The following CDH16 variants were observed in gnomAD, a reference collection of about 807,000 sequenced individuals.
The protein encoded by CDH16 is cadherin 16.
A neutral mutation model predicts 87.6 loss-of-function variants in CDH16; 79 were observed. The ratio of observed to expected loss-of-function variants is 0.90; its 90% CI spans 0.75 to 1.09. The LOEUF is 1.09. Ranked by LOEUF, CDH16 falls within the 50% of genes least tolerant of loss-of-function variation. The pLI, the probability that CDH16 is intolerant of heterozygous loss-of-function variation, is 0.00. For synonymous variants in CDH16, 457 were observed against 439.5 expected, an observed-to-expected ratio of 1.04 and a Z score of -0.50; for missense variants, 1,124 against 1,071.7, an observed-to-expected ratio of 1.05 and a Z score of -0.68.
intron 13 of CDH16, among the ~76,000 whole-genome samples, 193 bp from the exon 14 acceptor site, chr16:66,911,508 G>A (rs963386920): frequency 6.6e-6 from 1 of 152,154 alleles, no homozygotes. Flanking sequence ...GGTGTGGGAT[G>A]AAGAACAGAT....
chr16:66,911,203 G>A lies in CDH16; in HGVS notation c.1903C>T (p.Leu635Phe), dbSNP rs1352500035. ...ATACCTGTATCCTGGGCCTCCACAA[G>A]CACCGTGTAGGTGTCCCCAGGCTGG... ...GAQPGDTYTV[L>F]VEAQDTDEPR... Residue 635 changes from leucine to phenylalanine, a missense_variant, in exon 14 of 18, where the codon CTT becomes TTT. Leu to Phe is a conservative substitution (Grantham distance 22). Transcript: ENST00000299752. The A allele has an allele frequency of 1.2e-6, 2 of 1,612,888 alleles. No individual in the cohort carries two copies. Among genetic ancestry groups the A allele is most frequent in the Admixed American group, 1.7e-5 (1 of 59,894 alleles).
intron 7 of CDH16, 80 bp from the exon 8 acceptor site, chr16:66,913,693 C>A: frequency 1.3e-6 from 2 of 1,560,056 alleles, no homozygotes; most frequent in Non-Finnish European, 1.7e-6. Flanking sequence ...CGTTGAGGAG[C>A]CTGAGCCCAA....
Position 66,916,328 on chromosome 16 carries a change from G to C in CDH16, c.231C>G (p.Phe77Leu), listed in dbSNP as rs1368195881. ...GPFAMDPDSGFLLVTRALDRE... is the reference protein window; with the variant it reads ...GPFAMDPDSGLLLVTRALDRE... The stretch of plus-strand genomic sequence containing the variant: ...GGTCCAGGGCCCTGGTCACCAGCAG[G>C]AAGCCAGAATCTGGATCCATAGCAA... The change falls in exon 4 of 18, where the codon TTC (phenylalanine) becomes TTG (leucine). Residue 77 changes from phenylalanine to leucine, a missense_variant. By Grantham distance (22) the Phe-to-Leu change is conservative. Coordinates refer to ENST00000299752, the MANE Select transcript of CDH16 (RefSeq NM_004062.4). This position sits in a 1 kb window ranked among gnomAD's most constrained non-coding sequence, Gnocchi z 4.1. 2 of 1,614,054 alleles carry C rather than the reference G, an allele frequency of 1.2e-6. No individual in the cohort carries two copies. The highest frequency in any genetic ancestry group is 2.7e-5 in the African/African-American group (2 of 74,958).
Position 66,909,410 on chromosome 16 carries a change from G to T in CDH16, c.2276-27C>A. On this transcript the variant is annotated intron_variant, in intron 16 of 17. Coordinates refer to ENST00000299752, the MANE Select transcript of CDH16 (RefSeq NM_004062.4). This position sits in a 1 kb window ranked among gnomAD's most constrained non-coding sequence, Gnocchi z 4.1. ...TGAGGGGAGAGGGGAGGAAGGTAAG[G>T]GGAGGGAGGGGAGGGCTCCCCAGCT... 5.8e-6 allele frequency: 8 copies of T among 1,377,174 alleles called. No homozygotes were observed. Among genetic ancestry groups the T allele is most frequent in the South Asian group, 2.4e-5 (2 of 84,772 alleles). 85.3% of individuals were successfully genotyped at this position (1,377,174 alleles called of 1,614,324 possible). A position where few individuals can be genotyped will look rare whatever the true frequency, so the allele number is the denominator to read the frequency against.
Position 66,916,984 on chromosome 16 carries a change from GCTC to G in CDH16, c.130-558_130-556del, listed in dbSNP as rs1962707786. 1.3e-5 allele frequency among the ~76,000 whole-genome samples: 2 copies of G among 152,248 alleles called. No individual in the cohort carries two copies. The highest frequency in any genetic ancestry group is 2.1e-4 in the South Asian group (1 of 4,820). ...TCGGAATTTCACCTCTGTACTGTCA[GCTC>G]CTTCTGGCCATAGCCTCCCCAGCTC... On this transcript the variant is annotated intron_variant, in intron 3 of 17. Coordinates refer to ENST00000299752, the MANE Select transcript of CDH16 (RefSeq NM_004062.4). This position sits in a 1 kb window ranked among gnomAD's most constrained non-coding sequence, Gnocchi z 4.1.
In CDH16 at chr16:66,912,792, C is replaced by T. The variant is rs769274466; in HGVS notation, c.1154G>A (p.Gly385Glu). The T allele has an allele frequency of 1.9e-6, 3 of 1,613,554 alleles. No individual in the cohort carries two copies. Among genetic ancestry groups the T allele is most frequent in the Non-Finnish European group, 1.7e-6 (2 of 1,180,012 alleles). The change falls in exon 10 of 18, where the codon GGG becomes GAG. Residue 385 changes from glycine to glutamate, a missense_variant. By Grantham distance (98) the Gly-to-Glu change is moderately conservative. Transcript: ENST00000299752. ...YQLLSPEPED[G>E]VEGRAFQVDP... Reference sequence around the variant, plus strand: ...CACCTGGAAGGCTCTCCCCTCTACCCCATCCTCAGGCTCAGGGCTCAGGAG... The same window carrying T: ...CACCTGGAAGGCTCTCCCCTCTACCTCATCCTCAGGCTCAGGGCTCAGGAG...
chr16:66,909,913 T>C lies in CDH16; in HGVS notation c.2275+73A>G. On this transcript the variant is annotated intron_variant, in intron 16 of 17. Transcript: ENST00000299752. This position sits in a 1 kb window ranked among gnomAD's most constrained non-coding sequence, Gnocchi z 4.1. ...TCCACATGAGCAGCCTGTATGCATG[T>C]GTACCAGCTCCCTCCCCTTGCATCC... 1 of 1,094,756 alleles carries C rather than the reference T, an allele frequency of 9.1e-7. No homozygotes were observed. The highest frequency in any genetic ancestry group is 1.4e-6 in the Non-Finnish European group (1 of 737,266). 67.8% of individuals were successfully genotyped at this position (1,094,756 alleles called of 1,614,324 possible).
intron 2 of CDH16, 62 bp from the exon 3 acceptor site, chr16:66,917,787 A>G (rs753703909): frequency 7.8e-6 from 11 of 1,417,300 alleles, no homozygotes; most frequent in Admixed American, 2.0e-5. Flanking sequence ...CTGAGACCCA[A>G]CAGAAGAGCG....
chr16:66,917,524 A>T, intron 3 of CDH16, 118 bp downstream of exon 3: 1 of 755,022 alleles, frequency 1.3e-6, no homozygotes, highest in Non-Finnish European at 2.4e-6. Context: ...ACGTGTACAT[A>T]CTCTCTGGAA....
intron 3 of CDH16, among the ~76,000 whole-genome samples, chr16:66,917,321 C>T (rs946381906): frequency 3.3e-5 from 5 of 151,866 alleles, no homozygotes; most frequent in African/African-American, 1.2e-4. Flanking sequence ...AAATGTATAA[C>T]GTTACCTTCA....
At chr16:66,918,322 C>G (rs935169324) in intron 1 of CDH16, among the ~76,000 whole-genome samples, 1 of 152,216 alleles carries the variant, frequency 6.6e-6, no homozygotes, top group Non-Finnish European at 1.5e-5. Context: ...AATTTCACCT[C>G]CAGACCTCCA....
Position 66,911,900 on chromosome 16 carries a change from T to C in CDH16, c.1789A>G (p.Arg597Gly), listed in dbSNP as rs1384673982. 1.3e-6 allele frequency: 2 copies of C among 1,592,514 alleles called. No individual in the cohort carries two copies. The highest frequency in any genetic ancestry group is 1.7e-5 in the Admixed American group (1 of 59,150). Reference protein sequence around the residue: ...QPSDPISRTLRFSLVNDSEGW... With the variant: ...QPSDPISRTLGFSLVNDSEGW... ...TAAGGGGCTGGGATTTTAGCTCACCTGAGGGTTCGGCTGATGGGGTCGGAG... is the reference window on the plus strand; with the variant it reads ...TAAGGGGCTGGGATTTTAGCTCACCCGAGGGTTCGGCTGATGGGGTCGGAG... The change falls in exon 13 of 18, where the codon AGG becomes GGG. Residue 597 changes from arginine to glycine, a missense_variant and splice_region_variant. Physicochemically the swap from Arg to Gly is moderately radical, Grantham distance 125. Transcript: ENST00000299752.
Position 66,915,206 on chromosome 16 carries a change from C to G in CDH16, c.583+14G>C. The G allele has an allele frequency of 6.3e-7, 1 of 1,597,110 alleles. No homozygotes were observed. The highest frequency in any genetic ancestry group is 2.2e-5 in the East Asian group (1 of 44,526). On this transcript the variant is annotated intron_variant, in intron 6 of 17. Coordinates refer to ENST00000299752, the MANE Select transcript of CDH16 (RefSeq NM_004062.4). Reference sequence around the variant, plus strand: ...TCTGACCCTCCCTCCCCAGCACACCCCGCTCGGGCTTACCCTTGGGGCTGA... The same window carrying G: ...TCTGACCCTCCCTCCCCAGCACACCGCGCTCGGGCTTACCCTTGGGGCTGA...
chr16:66,913,012 G>A, intron 9 of CDH16, 119 bp downstream of exon 9: 1 of 1,318,832 alleles, frequency 7.6e-7, no homozygotes, highest in Non-Finnish European at 1.1e-6. Context: ...GTGTGTGTGT[G>A]TGTGTGTGTG....
At chr16:66,915,043 C>G (rs1172369447) in intron 6 of CDH16, among the ~76,000 whole-genome samples, 177 bp downstream of exon 6, 1 of 152,172 alleles carries the variant, frequency 6.6e-6, no homozygotes, top group Non-Finnish European at 1.5e-5. Context: ...CATTTCCTAG[C>G]TCTCCATGCC....
intron 7 of CDH16, 147 bp downstream of exon 7, chr16:66,914,069 C>G (rs1318917769): frequency 1.4e-6 from 1 of 690,700 alleles, no homozygotes; most frequent in Non-Finnish European, 2.4e-6. Context: ...CTTGAACACC[C>G]CAGTCCACAG....
rs777537470 is a variant in CDH16, at chr16:66,913,507, C to T, written c.887G>A (p.Arg296Lys). Residue 296 changes from arginine to lysine, a missense_variant, in exon 8 of 18, where the codon AGA (arginine) becomes AAA (lysine). Transcript: ENST00000299752. The stretch of plus-strand genomic sequence containing the variant: ...TCATATCACCTCAGCCTGGGCTTCT[C>T]TGTCCAGCTCTCTGGTCACGTAGAG... ...GNLYVTRELD[R>K]EAQAEYLLQV... 1.2e-6 allele frequency: 2 copies of T among 1,614,180 alleles called. No homozygotes were observed. The highest frequency in any genetic ancestry group is 2.2e-5 in the South Asian group (2 of 91,080).
chr16:66,915,394 A>G lies in CDH16; in HGVS notation c.425-16T>C, dbSNP rs1962634916. The stretch of plus-strand genomic sequence containing the variant: ...AAGGGGATGCCTGGTTCACGGTGGG[A>G]GGGCAAACTGTAAGGGATAGAGAGG... On this transcript the variant is annotated splice_polypyrimidine_tract_variant and intron_variant, in intron 5 of 17. Transcript: ENST00000299752. The G allele has an allele frequency of 6.2e-7, 1 of 1,612,650 alleles. No homozygotes were observed.
chr16:66,913,010 G>A (rs1962502358), intron 9 of CDH16, 119 bp from the exon 10 acceptor site: 1 of 1,316,868 alleles, frequency 7.6e-7, no homozygotes, highest in African/African-American at 1.4e-5. Context: ...GTGTGTGTGT[G>A]TGTGTGTGTG....
Sources: gnomAD v4.1 joint callset for allele counts (sites outside exome capture counted in the v4.1 genomes callset) on GRCh38, gnomAD v4.1.1 for gene constraint, Gnocchi (gnomAD v3.1) non-coding constraint, MANE v1.5 for transcripts, NCBI Gene and HGNC (gene_info 2026-07-23, HGNC 2026-07-21) for gene names.